Variants in VAC14 observed in about 807,000 individuals in gnomAD.
VAC14 encodes protein VAC14 homolog.
Under a neutral mutation model 85.3 loss-of-function variants are expected in VAC14, and 47 were observed. The observed-to-expected ratio is 0.55, with a 90% CI of 0.44 to 0.70. The LOEUF (loss-of-function observed/expected upper bound fraction) is 0.70. VAC14 is among the 30% of genes least tolerant of loss of function. The probability of loss-of-function intolerance (pLI) is 0.00; values close to 1 mark genes in which losing one functional copy is unlikely to be tolerated. For missense variants in VAC14, 861 were observed against 1,004.3 expected, an observed-to-expected ratio of 0.86 and a Z score of 1.93; for synonymous variants, 447 against 430.5, an observed-to-expected ratio of 1.04 and a Z score of -0.47.
At chr16:70,719,189 T>G (rs1157991306) in intron 14 of VAC14, among the ~76,000 whole-genome samples, 1 of 152,186 alleles carries the variant, frequency 6.6e-6, no homozygotes, top group Non-Finnish European at 1.5e-5. Context: ...TCCAAGACCC[T>G]GTCAAGAATT....
chr16:70,776,877 G>A (rs1402663936), intron 9 of VAC14, among the ~76,000 whole-genome samples: 4 of 147,258 alleles, frequency 2.7e-5, no homozygotes, highest in East Asian at 4.0e-4. Context: ...GTGTGATCTC[G>A]GCTCACTGCA....
chr16:70,755,044 C>T (rs2031719116), intron 12 of VAC14: 2 of 174,382 alleles, frequency 1.1e-5, no homozygotes, highest in South Asian at 9.0e-5. Flanking sequence ...CGAGGTGAGG[C>T]GGTGTCATGT....
intron 9 of VAC14, 24 bp downstream of exon 9, chr16:70,780,766 G>A (rs770337134): frequency 1.3e-6 from 2 of 1,558,018 alleles, no homozygotes; most frequent in African/African-American, 1.4e-5. Context: ...CAGGAGGTGA[G>A]GTGTAGGGAC....
chr16:70,717,160 G>A (rs1400449648), intron 14 of VAC14, among the ~76,000 whole-genome samples: 8 of 152,238 alleles, frequency 5.3e-5, no homozygotes, highest in Non-Finnish European at 8.8e-5. Context: ...GTGGGCACCC[G>A]ACCCTTTTCA....
chr16:70,786,238 C>A lies in VAC14; in HGVS notation c.232G>T (p.Ala78Ser). The A allele has an allele frequency of 6.2e-7, 1 of 1,614,178 alleles. No individual in the cohort carries two copies. Residue 78 changes from alanine to serine, a missense_variant, in exon 2 of 19, where the codon GCC becomes TCC. Physicochemically the swap from Ala to Ser is moderately conservative, Grantham distance 99 (BLOSUM62 1). Coordinates refer to ENST00000261776, the MANE Select transcript of VAC14 (RefSeq NM_018052.5). ...ACCTTGCCCAGTGCGATGGAGCAGG[C>A]GGCCAGGCCGATGAGGCCCCCTTTC... ...SRKGGLIGLAACSIALGKDSG... is the reference protein window; with the variant it reads ...SRKGGLIGLASCSIALGKDSG...
intron 14 of VAC14, among the ~76,000 whole-genome samples, chr16:70,726,347 A>G (rs1390302864): frequency 6.6e-6 from 1 of 152,236 alleles, no homozygotes; most frequent in Non-Finnish European, 1.5e-5. Flanking sequence ...GGGCCGGTGC[A>G]CTGGAGCCAG....
At chr16:70,700,663 G>A (rs1445956994) in intron 14 of VAC14, among the ~76,000 whole-genome samples, 1 of 152,210 alleles carries the variant, frequency 6.6e-6, no homozygotes, top group Non-Finnish European at 1.5e-5. Flanking sequence ...AAGGCCAGGA[G>A]GTGGTGGCCC....
chr16:70,728,836 T>G (rs1432791138), intron 14 of VAC14, among the ~76,000 whole-genome samples: 33 of 152,374 alleles, frequency 2.2e-4, no homozygotes, highest in Admixed American at 2.2e-3. Context: ...GAGCTCATCA[T>G]GAGTACTGAT....
chr16:70,766,763 T>C (rs2032847645), intron 10 of VAC14, among the ~76,000 whole-genome samples: 1 of 152,026 alleles, frequency 6.6e-6, no homozygotes, highest in Non-Finnish European at 1.5e-5. Context: ...TCTTAGTGCC[T>C]AGGAAAGGGA....
At chr16:70,711,205 C>T (rs2054026583) in intron 14 of VAC14, among the ~76,000 whole-genome samples, 2 of 152,204 alleles carry the variant, frequency 1.3e-5, no homozygotes, top group Non-Finnish European at 2.9e-5. Flanking sequence ...TCCAGGAGGT[C>T]CACGATCTGT....
intron 12 of VAC14, among the ~76,000 whole-genome samples, chr16:70,745,689 C>A (rs1039227382): frequency 3.5e-4 from 54 of 152,216 alleles, no homozygotes; most frequent in African/African-American, 1.2e-3. Flanking sequence ...AGGGACTATG[C>A]CTGTCCCCCC....
intron 12 of VAC14, chr16:70,761,012 TGTGTGTGCATGGGGGG>T (rs1311919524): frequency 1.7e-4 from 53 of 313,230 alleles, no homozygotes; most frequent in Middle Eastern, 1.1e-3. Flanking sequence ...TGTGTGTGTG[TGTGTGTGCATGGGGGG>T]GCGGGGGGTA....
chr16:70,698,261 C>T (rs1233403840), intron 15 of VAC14, among the ~76,000 whole-genome samples: 3 of 152,192 alleles, frequency 2.0e-5, no homozygotes, highest in East Asian at 3.9e-4. Flanking sequence ...ACCCAGAGGC[C>T]TGGCCCTAAG....
chr16:70,791,504 C>G (rs2034338243), intron 1 of VAC14, among the ~76,000 whole-genome samples: 1 of 152,204 alleles, frequency 6.6e-6, no homozygotes, highest in African/African-American at 2.4e-5. Context: ...CCTGCCTCAA[C>G]CTCCTGAGTA....
chr16:70,780,731 G>T, intron 9 of VAC14, 59 bp downstream of exon 9: 1 of 1,519,424 alleles, frequency 6.6e-7, no homozygotes, highest in Non-Finnish European at 8.8e-7. Flanking sequence ...CAACTCCTAT[G>T]ACATCTGGCT....
intron 9 of VAC14, among the ~76,000 whole-genome samples, chr16:70,776,400 G>A (rs2033520591): frequency 6.6e-6 from 1 of 152,030 alleles, no homozygotes; most frequent in South Asian, 2.1e-4. Context: ...ATGAGCCACT[G>A]CACCTGGCCC....
At chr16:70,705,868 A>G (rs2053911328) in intron 14 of VAC14, among the ~76,000 whole-genome samples, 1 of 152,104 alleles carries the variant, frequency 6.6e-6, no homozygotes, top group South Asian at 2.1e-4. Flanking sequence ...TTCCCAGTGG[A>G]GCCTTGTTGG....
intron 14 of VAC14, among the ~76,000 whole-genome samples, chr16:70,708,370 G>A (rs2053963079): frequency 6.6e-6 from 1 of 152,228 alleles, no homozygotes; most frequent in Non-Finnish European, 1.5e-5. Context: ...CTTCCAGGAA[G>A]GGACAAGGTG....
intron 14 of VAC14, among the ~76,000 whole-genome samples, chr16:70,705,649 G>A (rs563700329): frequency 6.6e-6 from 1 of 152,290 alleles, no homozygotes; most frequent in African/African-American, 2.4e-5. Flanking sequence ...CGTGGAGGCT[G>A]GGGGCGCCTG....
Sources: gnomAD v4.1 joint callset for allele counts (sites outside exome capture counted in the v4.1 genomes callset) on GRCh38, gnomAD v4.1.1 for gene constraint, MANE v1.5 for transcripts, NCBI Gene and HGNC (gene_info 2026-07-23, HGNC 2026-07-21) for gene names.